GLRA2: variants seen among roughly 807,000 people sequenced by gnomAD.
The protein encoded by GLRA2 is glycine receptor subunit alpha-2.
Under a neutral mutation model 31.6 loss-of-function variants are expected in GLRA2, and 11 were observed. The ratio of observed to expected loss-of-function variants is 0.35; its 90% CI spans 0.22 to 0.58. The LOEUF is 0.58. GLRA2 is among the 20% of genes least tolerant of loss of function. GLRA2 has a pLI of 0.84. For synonymous variants in GLRA2, 132 were observed against 134.0 expected, an observed-to-expected ratio of 0.99 and a Z score of 0.10; for missense variants, 212 against 351.8, an observed-to-expected ratio of 0.60 and a Z score of 3.18.
In GLRA2 at chrX:14,532,261, G is replaced by A. The variant is rs1367269725; in HGVS notation, c.91G>A (p.Asp31Asn). ...HFRTAFCKDH[D>N]SRSGKQPSQT... ...TAGGACGGCTTTCTGCAAAGACCAT[G>A]ACTCCAGGTCTGGAAAACAACCTTC... Residue 31 changes from aspartate to asparagine, a missense_variant, in exon 2 of 9, where the codon GAC (aspartate) becomes AAC (asparagine). Asp to Asn is a conservative substitution (Grantham distance 23, BLOSUM62 1). Around this residue, in one of 5 missense-constraint regions of GLRA2, gnomAD observed 33 missense variants for 27.7 expected, o/e 1.19. Coordinates refer to ENST00000218075, the MANE Select transcript of GLRA2 (RefSeq NM_002063.4). 2 of 1,183,093 alleles carry A rather than the reference G, an allele frequency of 1.7e-6. No homozygotes were observed. The highest frequency in any genetic ancestry group is 2.3e-6 in the Non-Finnish European group (2 of 877,542).
intron 6 of GLRA2, 87 bp from the exon 7 acceptor site, chrX:14,608,900 CTTTT>C (rs35800731): frequency 2.5e-4 from 105 of 415,964 alleles, no homozygotes; most frequent in Middle Eastern, 6.4e-4. Flanking sequence ...CTGCAGTAGT[CTTTT>C]TTTTTTTTTT....
At chrX:14,608,853 C>G in intron 6 of GLRA2, 138 bp from the exon 7 acceptor site, 1 of 441,102 alleles carries the variant, frequency 2.3e-6, no homozygotes, top group African/African-American at 2.5e-5. Flanking sequence ...GAATTGGTTA[C>G]GTAGGGTGAA....
chrX:14,601,833 G>A (rs1186167122), intron 4 of GLRA2, among the ~76,000 whole-genome samples: 1 of 111,432 alleles, frequency 9.0e-6, no homozygotes, highest in Non-Finnish European at 1.9e-5. Flanking sequence ...GGAAGGCAGA[G>A]CAAGAATGAG....
At chrX:14,619,826 C>T (rs148623265) in intron 7 of GLRA2, among the ~76,000 whole-genome samples, 3,006 of 110,778 alleles carry the variant, frequency 0.027, 61 homozygotes, top group African/African-American at 0.074. Flanking sequence ...GGTTCTTTAT[C>T]TGGCTTGCTC....
the GLRA2 span, among the ~76,000 whole-genome samples, chrX:14,518,450 C>T: frequency 9.0e-6 from 1 of 111,071 alleles, no homozygotes; most frequent in Admixed American, 9.5e-5. Flanking sequence ...GCAAAAAACA[C>T]ACAAAACTGG....
intron 2 of GLRA2, among the ~76,000 whole-genome samples, chrX:14,564,053 GAAAT>G (rs1179911944): frequency 9.0e-6 from 1 of 111,172 alleles, no homozygotes; most frequent in East Asian, 2.8e-4. Context: ...AAAATTTTGA[GAAAT>G]AACAGTTCCC....
intron 2 of GLRA2, among the ~76,000 whole-genome samples, chrX:14,564,642 A>C (rs937413808): frequency 1.8e-5 from 2 of 112,463 alleles, no homozygotes; most frequent in Non-Finnish European, 1.9e-5. Context: ...AAAAATTATT[A>C]GTTGATTTTA....
At chrX:14,583,637 G>A (rs968880327) in intron 4 of GLRA2, among the ~76,000 whole-genome samples, 11 of 111,902 alleles carry the variant, frequency 9.8e-5, no homozygotes, top group Non-Finnish European at 1.5e-4. Context: ...TACTCAGGAG[G>A]CTAAGGCAGG....
intron 7 of GLRA2, among the ~76,000 whole-genome samples, chrX:14,667,187 A>C (rs1202353605): frequency 8.9e-6 from 1 of 112,562 alleles, no homozygotes; most frequent in Non-Finnish European, 1.9e-5. Flanking sequence ...TAAATGTTTT[A>C]AGATATGAAT....
At chrX:14,626,011 T>G (rs1285258620) in intron 7 of GLRA2, among the ~76,000 whole-genome samples, 1 of 112,086 alleles carries the variant, frequency 8.9e-6, no homozygotes, top group Non-Finnish European at 1.9e-5. Context: ...AGTTGGTGTG[T>G]TTAATCATTA....
At chrX:14,492,149 A>G in the GLRA2 span, among the ~76,000 whole-genome samples, 29 of 111,429 alleles carry the variant, frequency 2.6e-4, no homozygotes, top group East Asian at 7.9e-3. Flanking sequence ...GATTGAAAAA[A>G]AAAACAGGTG....
intron 2 of GLRA2, among the ~76,000 whole-genome samples, chrX:14,543,689 T>C (rs903619852): frequency 6.3e-5 from 7 of 111,971 alleles, no homozygotes; most frequent in Non-Finnish European, 1.1e-4. Context: ...GTCCATGAAA[T>C]GTTCTCTAAG....
chrX:14,488,720 T>G, the GLRA2 span, among the ~76,000 whole-genome samples: 2 of 112,536 alleles, frequency 1.8e-5, no homozygotes, highest in East Asian at 5.6e-4. Flanking sequence ...TAATATAGTT[T>G]GTAATATCAG....
At chrX:14,728,610 C>A (rs956952861) in intron 8 of GLRA2, among the ~76,000 whole-genome samples, 1 of 111,769 alleles carries the variant, frequency 8.9e-6, no homozygotes, top group Non-Finnish European at 1.9e-5. Context: ...TGCCAGGTTG[C>A]AATGGAATGT....
chrX:14,582,078 T>TG (rs1412330313), intron 4 of GLRA2, among the ~76,000 whole-genome samples: 3 of 109,374 alleles, frequency 2.7e-5, no homozygotes, highest in Non-Finnish European at 5.7e-5. Flanking sequence ...TCCATATTTT[T>TG]TTATTATACT....
the GLRA2 span, among the ~76,000 whole-genome samples, chrX:14,509,764 G>A: frequency 7.1e-5 from 8 of 112,507 alleles, no homozygotes; most frequent in Non-Finnish European, 1.5e-4. Context: ...TAGATGCTAT[G>A]AGAAGTGTGA....
chrX:14,529,264 C>T (rs766871348), upstream of GLRA2: 3 of 106,762 alleles, frequency 2.8e-5, no homozygotes, highest in South Asian at 1.3e-3. Context: ...CGCCCACCCA[C>T]CGACAGCCTA....
chrX:14,469,317 T>A, the GLRA2 span, among the ~76,000 whole-genome samples: 4 of 111,710 alleles, frequency 3.6e-5, no homozygotes, highest in Non-Finnish European at 7.5e-5. Flanking sequence ...TTTAAGTCTT[T>A]AATCCATCTT....
At chrX:14,502,658 A>G in the GLRA2 span, among the ~76,000 whole-genome samples, 1 of 111,319 alleles carries the variant, frequency 9.0e-6, no homozygotes, top group Admixed American at 9.6e-5. Flanking sequence ...ACTTTGTTTT[A>G]TGTGTATTTC....
Sources: allele counts gnomAD v4.1 joint callset (sites outside exome capture counted in the v4.1 genomes callset), GRCh38; gene constraint gnomAD v4.1.1; regional missense constraint gnomAD v4.1.1; transcripts MANE v1.5; gene names NCBI Gene and HGNC (gene_info 2026-07-23, HGNC 2026-07-21).